The following CAMTA1 variants were observed in gnomAD, a reference collection of about 807,000 sequenced individuals.
CAMTA1 encodes the protein calmodulin binding transcription activator 1.
CAMTA1 carries 27 observed loss-of-function variants against 170.9 expected under a neutral mutation model. The ratio of observed to expected loss-of-function variants is 0.16; its 90% CI spans 0.12 to 0.22. CAMTA1 has a LOEUF of 0.22. CAMTA1 is among the 10% of genes least tolerant of loss of function. The pLI, the probability that CAMTA1 is intolerant of heterozygous loss-of-function variation, is 1.00. For synonymous variants in CAMTA1, 833 were observed against 891.5 expected, an observed-to-expected ratio of 0.93 and a Z score of 1.17; for missense variants, 1,619 against 2,217.2, an observed-to-expected ratio of 0.73 and a Z score of 5.42.
chr1:7,563,396 G>GCA (rs1314433888), intron 6 of CAMTA1, among the ~76,000 whole-genome samples: 1 of 152,208 alleles, frequency 6.6e-6, no homozygotes, highest in Non-Finnish European at 1.5e-5. Context: ...GAGACCTGCA[G>GCA]CACAGCAGGA....
At chr1:7,384,257 T>A (rs772213407) in intron 5 of CAMTA1, among the ~76,000 whole-genome samples, 2 of 152,108 alleles carry the variant, frequency 1.3e-5, no homozygotes, top group South Asian at 4.2e-4. Context: ...CTGCCAGAGG[T>A]TTGAAAGTGG....
At position 6,862,072 on chromosome 1, in the gene CAMTA1, C is replaced by T. The variant is rs540765768; in HGVS notation, c.234+36862C>T. The stretch of plus-strand genomic sequence containing the variant: ...CTGCCTCCCGGGTTCAAGCTATTCT[C>T]CTGCCTCAGCCTCCTGAGTAGCTGG... On this transcript the variant is annotated intron_variant, in intron 3 of 22. Transcript: ENST00000303635. 2.6e-5 allele frequency among the ~76,000 whole-genome samples: 4 copies of T among 151,876 alleles called. No individual in the cohort carries two copies. In the East Asian group the frequency reaches 5.8e-4, roughly 22 times the overall value.
chr1:6,813,855 G>A (rs966592005), intron 1 of CAMTA1, among the ~76,000 whole-genome samples: 2 of 152,172 alleles, frequency 1.3e-5, no homozygotes, highest in Non-Finnish European at 2.9e-5. Context: ...AGGATGAGTG[G>A]CAATTCGGTG....
intron 5 of CAMTA1, among the ~76,000 whole-genome samples, chr1:7,400,255 T>C (rs2089785982): frequency 6.6e-6 from 1 of 152,234 alleles, no homozygotes. Flanking sequence ...TCTAGTCTGC[T>C]GCTGATGTTC....
chr1:7,006,013 AC>A (rs1698958251), intron 3 of CAMTA1, among the ~76,000 whole-genome samples: 1 of 152,120 alleles, frequency 6.6e-6, no homozygotes, highest in Non-Finnish European at 1.5e-5. Context: ...AACAGAGAGG[AC>A]AGGGAAGGTA....
intron 22 of CAMTA1, among the ~76,000 whole-genome samples, chr1:7,763,719 T>G (rs2096994264): frequency 6.6e-6 from 1 of 152,252 alleles, no homozygotes; most frequent in Admixed American, 6.5e-5. Context: ...TAATTCACTC[T>G]CCTTTTTATT....
intron 4 of CAMTA1, among the ~76,000 whole-genome samples, chr1:7,130,563 A>G (rs558231161): frequency 6.6e-6 from 1 of 152,244 alleles, no homozygotes; most frequent in South Asian, 2.1e-4. Context: ...GTGTCATTTT[A>G]CTTTTCTTCC....
chr1:7,721,352 G>T (rs896282567), intron 11 of CAMTA1, among the ~76,000 whole-genome samples: 1 of 152,150 alleles, frequency 6.6e-6, no homozygotes, highest in Non-Finnish European at 1.5e-5. Context: ...TTCCTCATCC[G>T]AAAATGAAGG....
chr1:6,961,918 C>G (rs1409036275), intron 3 of CAMTA1, among the ~76,000 whole-genome samples: 1 of 152,162 alleles, frequency 6.6e-6, no homozygotes, highest in Non-Finnish European at 1.5e-5. Context: ...AGGGAAGCCC[C>G]TTTTCCTGGG....
intron 11 of CAMTA1, among the ~76,000 whole-genome samples, chr1:7,720,444 C>T (rs537668408): frequency 1.3e-5 from 2 of 152,204 alleles, no homozygotes; most frequent in South Asian, 4.1e-4. Context: ...TGCAGTGGTG[C>T]AATCTCGGCT....
In CAMTA1 at chr1:7,639,966, C is replaced by T. The variant is rs148126425; in HGVS notation, c.511-434C>T. Among the ~76,000 whole-genome samples, 12 of 152,082 alleles carry T rather than the reference C, an allele frequency of 7.9e-5. 1 individual carries two copies. The East Asian group carries it at 1.7e-3, about 22-fold the overall frequency. On this transcript the variant is annotated intron_variant, in intron 6 of 22. Transcript: ENST00000303635. ...CTGTGAGGGGGCAACGCGTGTTGGGCGTGAAGGAGGGAGAGGGCAGTGGCT... is the reference window on the plus strand; with the variant it reads ...CTGTGAGGGGGCAACGCGTGTTGGGTGTGAAGGAGGGAGAGGGCAGTGGCT...
chr1:7,555,841 C>A (rs1557908873), intron 6 of CAMTA1, among the ~76,000 whole-genome samples: 1 of 152,208 alleles, frequency 6.6e-6, no homozygotes, highest in South Asian at 2.1e-4. Context: ...TGCCCCAAAC[C>A]CAACCACGTC....
rs577604453 is a variant in CAMTA1, at chr1:7,056,999, TCTC to T, written c.235-34299_235-34297del. ...GGTTCTTCCCTAGACCATGACCTCT[TCTC>T]CTCCTGTCTGCATGGCATAGGGCCA... On this transcript the variant is annotated intron_variant, in intron 3 of 22. Coordinates refer to ENST00000303635, the MANE Select transcript of CAMTA1 (RefSeq NM_015215.4). Among the ~76,000 whole-genome samples the T allele has an allele frequency of 1.4e-4, 21 of 152,224 alleles. No individual in the cohort carries two copies. The East Asian group carries it at 4.1e-3, about 30-fold the overall frequency.
chr1:7,265,124 C>T (rs1351612831), intron 5 of CAMTA1, among the ~76,000 whole-genome samples: 1 of 152,064 alleles, frequency 6.6e-6, no homozygotes, highest in Non-Finnish European at 1.5e-5. Context: ...GTGCCAGTGC[C>T]ACCCACTCAG....
chr1:6,929,732 C>T (rs1003541879), intron 3 of CAMTA1, among the ~76,000 whole-genome samples: 1 of 152,200 alleles, frequency 6.6e-6, no homozygotes, highest in African/African-American at 2.4e-5. Context: ...CTCCTGACCT[C>T]GTGATCTGCC....
At chr1:7,167,395 G>C (rs1263473482) in intron 4 of CAMTA1, among the ~76,000 whole-genome samples, 1 of 152,140 alleles carries the variant, frequency 6.6e-6, no homozygotes, top group Admixed American at 6.5e-5. Context: ...TCAAGTAGCT[G>C]CCTGTGCGTA....
chr1:7,015,115 G>A (rs1449675526), intron 3 of CAMTA1, among the ~76,000 whole-genome samples: 1 of 152,140 alleles, frequency 6.6e-6, no homozygotes, highest in Admixed American at 6.5e-5. Context: ...TGGATGGACG[G>A]ATGTCTTGGA....
intron 1 of CAMTA1, among the ~76,000 whole-genome samples, chr1:6,798,153 G>A (rs1437039911): frequency 6.6e-6 from 1 of 151,692 alleles, no homozygotes; most frequent in Admixed American, 6.6e-5. Context: ...TGAACACCAC[G>A]CTGGGCTAAT....
At chr1:7,766,042 A>AACT (rs1553290023) in intron 22 of CAMTA1, among the ~76,000 whole-genome samples, 4 of 73,448 alleles carry the variant, frequency 5.4e-5, no homozygotes, top group African/African-American at 1.3e-4. Context: ...AAAAAAAAAA[A>AACT]AAACTAAATA....
Sources: allele counts gnomAD v4.1 joint callset (sites outside exome capture counted in the v4.1 genomes callset), GRCh38; gene constraint gnomAD v4.1.1; transcripts MANE v1.5; gene names NCBI Gene and HGNC (gene_info 2026-07-23, HGNC 2026-07-21).